The following TNXB variants were observed in gnomAD, a reference collection of about 807,000 sequenced individuals.
The protein encoded by TNXB is tenascin-X.
TNXB carries 183 observed loss-of-function variants against 340.5 expected under a neutral mutation model. That is an observed-to-expected ratio of 0.54 (90% CI 0.48 to 0.61). TNXB has a LOEUF of 0.61. Among genes scored for constraint, TNXB ranks in the 20% least tolerant of loss-of-function variants. The pLI is 0.00. For synonymous variants in TNXB, 2,121 were observed against 2,314.5 expected (o/e 0.92, Z 2.40); for missense variants, 4,613 against 5,446.4 (o/e 0.85, Z 4.82).
At chr6:32,103,042 C>T (rs1185677866) in intron 1 of TNXB, among the ~76,000 whole-genome samples, 1 of 152,136 alleles carries the variant, frequency 6.6e-6, no homozygotes, top group Non-Finnish European at 1.5e-5. Context: ...TATTTTGTAT[C>T]TTAATCTGGG....
Position 32,067,838 on chromosome 6 carries a change from C to G in TNXB, c.6367G>C (p.Asp2123His), listed in dbSNP as rs201764050. ...TCCTTGTACTGCACGGTGAAGGAGT[C>G]GAAGCGGCCCTGGGGGACGGTCCAG... The part of the protein sequence containing the change: ...LSWTVPQGRF[D>H]SFTVQYKDRD... Residue 2123 changes from aspartate to histidine, a missense_variant, in exon 18 of 44, where the codon GAC becomes CAC. Physicochemically the swap from Asp to His is moderately conservative, Grantham distance 81. Transcript: ENST00000644971. The surrounding 1 kb of genome is among the most constrained non-coding windows in gnomAD (Gnocchi z 4.2). The G allele has an allele frequency of 1.9e-6, 3 of 1,612,988 alleles. No individual in the cohort carries two copies.
Position 32,096,407 on chromosome 6 carries a change from C to G in TNXB, c.1446G>C (p.Met482Ile), listed in dbSNP as rs1378870044. 2.5e-6 allele frequency: 4 copies of G among 1,584,558 alleles called. No individual in the cohort carries two copies. The highest frequency in any genetic ancestry group is 3.4e-6 in the Non-Finnish European group (4 of 1,172,766). ...GRGRCESGRC[M>I]CWPGYTGRDC... ...CCCGGCCTGTGTACCCCGGCCAACACATGCAGCGGCCACTCTCACAGCGGC... is the reference window on the plus strand; with the variant it reads ...CCCGGCCTGTGTACCCCGGCCAACAGATGCAGCGGCCACTCTCACAGCGGC... The change falls in exon 3 of 44, where the codon ATG (methionine) becomes ATC (isoleucine). Residue 482 changes from methionine to isoleucine, a missense_variant. Physicochemically the swap from Met to Ile is conservative, Grantham distance 10. Coordinates refer to ENST00000644971, the MANE Select transcript of TNXB (RefSeq NM_001365276.2).
At position 32,067,145 on chromosome 6, in the gene TNXB, AAGAAAGAAAG is replaced by A. The variant is rs1234850280; in HGVS notation, c.6544+506_6544+515del. Among the ~76,000 whole-genome samples, 22 of 131,046 alleles carry A rather than the reference AAGAAAGAAAG, an allele frequency of 1.7e-4. No homozygotes were observed. Among genetic ancestry groups the A allele is most frequent in the African/African-American group, 6.0e-4 (20 of 33,130 alleles). 86.0% of individuals were successfully genotyped at this position (131,046 alleles called of 152,430 possible). ...AAAGAAAGGAAGGAAGAAAGAAAGA[AAGAAAGAAAG>A]AAAGAAAGAAAGAAAGAAAGAAAGA... On this transcript the variant is annotated intron_variant, in intron 18 of 43. Coordinates refer to ENST00000644971, the MANE Select transcript of TNXB (RefSeq NM_001365276.2). This position sits in a 1 kb window ranked among gnomAD's most constrained non-coding sequence, Gnocchi z 4.2.
chr6:32,046,577 C>A lies in TNXB; in HGVS notation c.10325-121G>T. On this transcript the variant is annotated intron_variant, in intron 30 of 43. Transcript: ENST00000644971. The surrounding 1 kb of genome is among the most constrained non-coding windows in gnomAD (Gnocchi z 6.9). Reference sequence around the variant, plus strand: ...CTCCAGTGTAGCCCCAGGGACAGCTCCTTGAGGAGACACACAGGCCTGCTC... The same window carrying A: ...CTCCAGTGTAGCCCCAGGGACAGCTACTTGAGGAGACACACAGGCCTGCTC... 1.2e-6 allele frequency: 1 copy of A among 866,202 alleles called. No homozygotes were observed. Among genetic ancestry groups the A allele is most frequent in the Non-Finnish European group, 1.7e-6 (1 of 597,048 alleles). 53.7% of individuals were successfully genotyped at this position (866,202 alleles called of 1,614,324 possible).
chr6:32,056,196 A>G, intron 23 of TNXB, 22 bp from the exon 24 acceptor site: 1 of 1,600,144 alleles, frequency 6.2e-7, no homozygotes, highest in South Asian at 1.1e-5. Context: ...AGATATAGAG[A>G]GGATGCCAGG....
In TNXB at chr6:32,082,178, T is replaced by C. The variant is rs1779503144; in HGVS notation, c.3594A>G (p.Gly1198=). 1 of 1,612,494 alleles carries C rather than the reference T, an allele frequency of 6.2e-7. No individual in the cohort carries two copies. Among genetic ancestry groups the C allele is most frequent in the East Asian group, 2.2e-5 (1 of 44,854 alleles). Residue 1198 remains glycine, a synonymous_variant, in exon 9 of 44, where the codon GGA becomes GGG. Coordinates refer to ENST00000644971, the MANE Select transcript of TNXB (RefSeq NM_001365276.2). This position sits in a 1 kb window ranked among gnomAD's most constrained non-coding sequence, Gnocchi z 5.0. ...TFMVQYRDRD[G]RPQVVPVEGP... Reference sequence around the variant, plus strand: ...CTTCCACAGGTACCACCTGGGGCCGTCCATCCCTGTCCCTGTACTGGACCA... The same window carrying C: ...CTTCCACAGGTACCACCTGGGGCCGCCCATCCCTGTCCCTGTACTGGACCA...
chr6:32,069,481 T>A lies in TNXB; in HGVS notation c.5587+72A>T, dbSNP rs1380628791. ...TGATATAAAATGGGAAGCTCAGAGA[T>A]CTTATGGCTCAGTCAGACCAGGAGA... is the stretch of plus-strand genomic sequence containing the variant. On this transcript the variant is annotated intron_variant, in intron 15 of 43. Coordinates refer to ENST00000644971, the MANE Select transcript of TNXB (RefSeq NM_001365276.2). The surrounding 1 kb of genome is among the most constrained non-coding windows in gnomAD (Gnocchi z 6.2). The A allele has an allele frequency of 6.8e-7, 1 of 1,464,450 alleles. No homozygotes were observed. The highest frequency in any genetic ancestry group is 1.5e-5 in the South Asian group (1 of 68,952). 90.7% of individuals were successfully genotyped at this position (1,464,450 alleles called of 1,614,324 possible).
At chr6:32,055,326 G>A (rs1777559463) in intron 24 of TNXB, among the ~76,000 whole-genome samples, 2 of 152,156 alleles carry the variant, frequency 1.3e-5, no homozygotes, top group Non-Finnish European at 2.9e-5. Context: ...TCTGGAGGTC[G>A]TTGGCCAGAG....
intron 11 of TNXB, among the ~76,000 whole-genome samples, chr6:32,076,136 C>T (rs1273525096): frequency 6.6e-6 from 1 of 152,200 alleles, no homozygotes; most frequent in Non-Finnish European, 1.5e-5. Flanking sequence ...AGCACCCATT[C>T]CCTGCTCCTT....
At chr6:32,041,497 T>C in intron 43 of TNXB, 47 bp from the exon 44 acceptor site, 1 of 1,230,344 alleles carries the variant, frequency 8.1e-7, no homozygotes, top group East Asian at 2.5e-5. Flanking sequence ...ATGTCCCATC[T>C]GCTCTTCCCG....
chr6:32,082,120 C>A lies in TNXB; in HGVS notation c.3652G>T (p.Asp1218Tyr). 1 of 1,611,422 alleles carries A rather than the reference C, an allele frequency of 6.2e-7. No homozygotes were observed. Reference protein sequence around the residue: ...PERSFVVSSLDPDHKYRFTLF... With the variant: ...PERSFVVSSLYPDHKYRFTLF... ...GTGAATCTGTACTTGTGGTCAGGGT[C>A]CAGTGAGGAGACAACAAATGAACGC... Residue 1218 changes from aspartate to tyrosine, a missense_variant, in exon 9 of 44, where the codon GAC (aspartate) becomes TAC (tyrosine). Around this residue, in one of 7 missense-constraint regions of TNXB, gnomAD observed 4,327 missense variants for 4,859.4 expected, o/e 0.89. Transcript: ENST00000644971. This position sits in a 1 kb window ranked among gnomAD's most constrained non-coding sequence, Gnocchi z 5.0.
In TNXB at chr6:32,050,609, C is replaced by G. The variant is rs911410130; in HGVS notation, c.9116-288G>C. Among the ~76,000 whole-genome samples the G allele has an allele frequency of 4.6e-5, 7 of 151,404 alleles. 1 individual carries two copies. In the East Asian group the frequency reaches 7.9e-4, roughly 17 times the overall value. The stretch of plus-strand genomic sequence containing the variant: ...GCTCCACTTGGCCTCTGCACCCTTA[C>G]CCTCCCTGCACTGGGGTCTCCTCGC... On this transcript the variant is annotated intron_variant, in intron 26 of 43. Coordinates refer to ENST00000644971, the MANE Select transcript of TNXB (RefSeq NM_001365276.2).
rs1378870044 is a variant in TNXB at position 32,096,407 on chromosome 6, C to T, written c.1446G>A (p.Met482Ile). 1 of 1,584,558 alleles carries T rather than the reference C, an allele frequency of 6.3e-7. No homozygotes were observed. The highest frequency in any genetic ancestry group is 1.1e-5 in the South Asian group (1 of 88,202). ...CCCGGCCTGTGTACCCCGGCCAACA[C>T]ATGCAGCGGCCACTCTCACAGCGGC... The part of the protein sequence containing the change: ...GRGRCESGRC[M>I]CWPGYTGRDC... Residue 482 changes from methionine (M) to isoleucine (I), a missense_variant, in exon 3 of 44, where the codon ATG (methionine) becomes ATA (isoleucine). Physicochemically the swap from Met to Ile is conservative, Grantham distance 10. Around this residue, in one of 7 missense-constraint regions of TNXB, gnomAD observed 4,327 missense variants for 4,859.4 expected, o/e 0.89. Coordinates refer to ENST00000644971, the MANE Select transcript of TNXB (RefSeq NM_001365276.2).
At chr6:32,078,900 G>T in intron 11 of TNXB, 133 bp downstream of exon 11, 2 of 966,950 alleles carry the variant, frequency 2.1e-6, no homozygotes, top group Non-Finnish European at 3.0e-6. Flanking sequence ...AGTCCCCAGT[G>T]ACATGCTCTT....
rs1777822147 is a variant in TNXB at position 32,058,495 on chromosome 6, G to C, written c.7493-105C>G. 1.0e-6 allele frequency: 1 copy of C among 978,540 alleles called. No homozygotes were observed. The highest frequency in any genetic ancestry group is 1.7e-5 in the African/African-American group (1 of 60,200). The allele number at this position is 978,540 out of a possible 1,614,324, so 60.6% of individuals were successfully genotyped here. A position where few individuals can be genotyped will look rare whatever the true frequency, so the allele number is the denominator to read the frequency against. Reference sequence around the variant, plus strand: ...ACATCAAATGTGCCCCTCCAGAGCAGGCTGAGGGCTGGGGCAGCTTTGTGT... The same window carrying C: ...ACATCAAATGTGCCCCTCCAGAGCACGCTGAGGGCTGGGGCAGCTTTGTGT... On this transcript the variant is annotated intron_variant, in intron 21 of 43. Coordinates refer to ENST00000644971, the MANE Select transcript of TNXB (RefSeq NM_001365276.2). The surrounding 1 kb of genome is among the most constrained non-coding windows in gnomAD (Gnocchi z 5.1).
chr6:32,097,202 G>A lies in TNXB; in HGVS notation c.651C>T (p.Ser217=), dbSNP rs1383321822. The change falls in exon 3 of 44, where the codon TCC becomes TCT. Residue 217 remains serine, a synonymous_variant. Coordinates refer to ENST00000644971, the MANE Select transcript of TNXB (RefSeq NM_001365276.2). This position sits in a 1 kb window ranked among gnomAD's most constrained non-coding sequence, Gnocchi z 5.9. ...GYTGPSCGWP[S]CPGDCQGRGR... ...CACGGCCTTGGCAGTCCCCGGGACA[G>A]GATGGCCAGCCACAGCTGGGGCCAG... 1.9e-6 allele frequency: 3 copies of A among 1,597,500 alleles called. No homozygotes were observed. The highest frequency in any genetic ancestry group is 2.6e-6 in the Non-Finnish European group (3 of 1,172,662).
Position 32,068,012 on chromosome 6 carries a change from G to C in TNXB, c.6221-28C>G, listed in dbSNP as rs757057549. 4.4e-6 allele frequency: 7 copies of C among 1,602,268 alleles called. No homozygotes were observed. Among genetic ancestry groups the C allele is most frequent in the Non-Finnish European group, 5.1e-6 (6 of 1,173,036 alleles). On this transcript the variant is annotated intron_variant, in intron 17 of 43. Coordinates refer to ENST00000644971, the MANE Select transcript of TNXB (RefSeq NM_001365276.2). This position sits in a 1 kb window ranked among gnomAD's most constrained non-coding sequence, Gnocchi z 5.3. ...GAGAAGGAGGAAGAGAGAGTGAGGGGGATGTCCTTGGGTACTGGGGAAAAG... is the reference window on the plus strand; with the variant it reads ...GAGAAGGAGGAAGAGAGAGTGAGGGCGATGTCCTTGGGTACTGGGGAAAAG...
Position 32,097,678 on chromosome 6 carries a change from C to A in TNXB, c.403+118G>T. ...CTCCAAGTTGTGTTCTGGGCTGCAT[C>A]CACACCCCTCATGGTGAGGAAGGAG... On this transcript the variant is annotated intron_variant, in intron 2 of 43. Coordinates refer to ENST00000644971, the MANE Select transcript of TNXB (RefSeq NM_001365276.2). The surrounding 1 kb of genome is among the most constrained non-coding windows in gnomAD (Gnocchi z 5.9). 7.9e-7 allele frequency: 1 copy of A among 1,262,030 alleles called. No homozygotes were observed. Among genetic ancestry groups the A allele is most frequent in the Non-Finnish European group, 1.1e-6 (1 of 939,934 alleles). 78.2% of individuals were successfully genotyped at this position (1,262,030 alleles called of 1,614,324 possible).
At position 32,052,843 on chromosome 6, in the gene TNXB, G is replaced by A. The variant is rs1448433741; in HGVS notation, c.8942C>T (p.Ser2981Phe). Residue 2981 changes from serine to phenylalanine, a missense_variant, in exon 26 of 44, where the codon TCC becomes TTC. Physicochemically the swap from Ser to Phe is radical, Grantham distance 155. This residue lies in a region of TNXB where 4,327 missense variants were observed against 4,859.4 expected (regional missense o/e 0.89). Transcript: ENST00000644971. This position sits in a 1 kb window ranked among gnomAD's most constrained non-coding sequence, Gnocchi z 4.7. ...SWTIPQGRFD[S>F]FTVQYKDRDG... ...CCTGTCCTTGTACTGCACAGTGAAG[G>A]AGTCGAAGCGGCCCTGGGGGATGGT... 8.7e-6 allele frequency: 14 copies of A among 1,613,532 alleles called. No homozygotes were observed. In the East Asian group the frequency reaches 2.9e-4, roughly 33 times the overall value.
Sources: allele counts gnomAD v4.1 joint callset (sites outside exome capture counted in the v4.1 genomes callset), GRCh38; gene constraint gnomAD v4.1.1; regional missense constraint gnomAD v4.1.1; non-coding constraint Gnocchi (gnomAD v3.1); transcripts MANE v1.5; gene names NCBI Gene and HGNC (gene_info 2026-07-23, HGNC 2026-07-21).